The following ITGA8 variants were observed in gnomAD, a reference collection of about 807,000 sequenced individuals.
ITGA8 encodes integrin subunit alpha 8, also known as integrin alpha-8.
A neutral mutation model predicts 142.3 loss-of-function variants in ITGA8; 91 were observed. The ratio of observed to expected loss-of-function variants is 0.64; its 90% CI spans 0.54 to 0.76. The LOEUF is 0.76. ITGA8 is among the 30% of genes least tolerant of loss of function. The probability of loss-of-function intolerance (pLI) is 0.00; values close to 1 mark genes in which losing one functional copy is unlikely to be tolerated. For missense variants in ITGA8, 1,406 were observed against 1,327.7 expected, an observed-to-expected ratio of 1.06 and a Z score of -0.92; for synonymous variants, 505 against 485.2, an observed-to-expected ratio of 1.04 and a Z score of -0.54.
At chr10:15,644,478 ATATATATATATATAGAAT>A (rs1564388981) in intron 12 of ITGA8, among the ~76,000 whole-genome samples, 419 of 12,974 alleles carry the variant, frequency 0.032, 34 homozygotes, top group East Asian at 0.15. Flanking sequence ...ATATATATAT[ATATATATATATATAGAAT>A]TTTTTTTTTT....
At position 15,678,793 on chromosome 10, in the gene ITGA8, T is replaced by C; in HGVS notation, c.569-10A>G. On this transcript the variant is annotated splice_polypyrimidine_tract_variant and intron_variant, in intron 4 of 29. Coordinates refer to ENST00000378076, the MANE Select transcript of ITGA8 (RefSeq NM_003638.3). ...TCCGGATCAGCATTGCCTAGAACGATCAAAATACATAAATGTTATAACGTT... is the reference window on the plus strand; with the variant it reads ...TCCGGATCAGCATTGCCTAGAACGACCAAAATACATAAATGTTATAACGTT... 6.4e-7 allele frequency: 1 copy of C among 1,555,868 alleles called. No individual in the cohort carries two copies. Among genetic ancestry groups the C allele is most frequent in the Non-Finnish European group, 8.8e-7 (1 of 1,130,494 alleles).
At chr10:15,550,458 G>T (rs1348322067) in intron 26 of ITGA8, among the ~76,000 whole-genome samples, 6 of 152,120 alleles carry the variant, frequency 3.9e-5, no homozygotes, top group Non-Finnish European at 8.8e-5. Flanking sequence ...AGGGAAGAGG[G>T]GTGTCAAGGT....
chr10:15,545,132 T>C lies in ITGA8; in HGVS notation c.2880+3323A>G, dbSNP rs576476308. Among the ~76,000 whole-genome samples the C allele has an allele frequency of 6.6e-5, 10 of 152,336 alleles. No homozygotes were observed. The East Asian group carries it at 1.9e-3, about 29-fold the overall frequency. On this transcript the variant is annotated intron_variant, in intron 27 of 29. Coordinates refer to ENST00000378076, the MANE Select transcript of ITGA8 (RefSeq NM_003638.3). Reference sequence around the variant, plus strand: ...TGCTAGGTTTTGGGGAAATTTGTTATGCACCAATAGATAACTAATACAGGG... The same window carrying C: ...TGCTAGGTTTTGGGGAAATTTGTTACGCACCAATAGATAACTAATACAGGG...
At chr10:15,556,007 T>C (rs192553415) in intron 26 of ITGA8, among the ~76,000 whole-genome samples, 20 of 93,018 alleles carry the variant, frequency 2.2e-4, no homozygotes, top group Non-Finnish European at 3.9e-4. Context: ...TCTGCCAGGG[T>C]CTCTCTCTCT....
At chr10:15,687,471 A>AT (rs1281608206) in intron 3 of ITGA8, among the ~76,000 whole-genome samples, 3 of 152,228 alleles carry the variant, frequency 2.0e-5, no homozygotes, top group African/African-American at 7.2e-5. Flanking sequence ...TTTAAAAAGT[A>AT]TTAATGAACT....
intron 3 of ITGA8, among the ~76,000 whole-genome samples, chr10:15,686,829 G>C (rs1221608431): frequency 6.6e-6 from 1 of 152,064 alleles, no homozygotes; most frequent in African/African-American, 2.4e-5. Flanking sequence ...GTGTATTATT[G>C]TAGTTTCCAT....
intron 28 of ITGA8, among the ~76,000 whole-genome samples, chr10:15,519,743 A>G (rs1476674906): frequency 6.6e-6 from 1 of 152,170 alleles, no homozygotes; most frequent in Non-Finnish European, 1.5e-5. Flanking sequence ...TATGGGAACA[A>G]TGGCCAAAAG....
At chr10:15,675,776 C>G (rs546729015) in intron 6 of ITGA8, among the ~76,000 whole-genome samples, 31 of 152,094 alleles carry the variant, frequency 2.0e-4, no homozygotes, top group Non-Finnish European at 3.4e-4. Context: ...CTTAAAATCC[C>G]CCAGTGGTTT....
chr10:15,683,674 A>G (rs558074410), intron 4 of ITGA8, among the ~76,000 whole-genome samples: 1 of 152,378 alleles, frequency 6.6e-6, no homozygotes, highest in South Asian at 2.1e-4. Context: ...ATAAACAAAT[A>G]AAGTGGGCAG....
intron 14 of ITGA8, among the ~76,000 whole-genome samples, chr10:15,614,433 T>A (rs1833357565): frequency 1.3e-5 from 2 of 152,006 alleles, no homozygotes; most frequent in South Asian, 4.1e-4. Context: ...GAACCAGAAC[T>A]TATGGGGTAA....
intron 13 of ITGA8, among the ~76,000 whole-genome samples, chr10:15,617,722 G>A (rs1338904557): frequency 2.0e-5 from 3 of 152,144 alleles, no homozygotes; most frequent in Non-Finnish European, 4.4e-5. Context: ...CTCATTTACA[G>A]TGGCTGTCCC....
At chr10:15,658,437 T>C (rs905843613) in intron 10 of ITGA8, among the ~76,000 whole-genome samples, 2 of 149,762 alleles carry the variant, frequency 1.3e-5, no homozygotes, top group Non-Finnish European at 3.0e-5. Context: ...CAGTCTCCCA[T>C]GAGTAGCCCC....
In ITGA8 at chr10:15,607,742, C is replaced by CG. The variant is rs753222884; in HGVS notation, c.1698dup (p.Val567ArgfsTer24). 6.2e-7 allele frequency: 1 copy of CG among 1,613,676 alleles called. No individual in the cohort carries two copies. Among genetic ancestry groups the CG allele is most frequent in the Non-Finnish European group, 8.5e-7 (1 of 1,179,624 alleles). On this transcript the variant is annotated frameshift_variant, in exon 17 of 30. Transcript: ENST00000378076. LOFTEE classifies it high-confidence loss of function. ...TGCCTTTTTATCACAAGAGGGAAGA[C>CG]GCGATGAGCCTGATGGTTATCAAGG...
Position 15,600,539 on chromosome 10 carries a change from G to A in ITGA8, c.2119-3240C>T, listed in dbSNP as rs573349819. ...AAAGGAACTCAAGCCAGCTGGAAGCGTCAGCATTTAGCGATGAGGCTGAAG... is the reference window on the plus strand; with the variant it reads ...AAAGGAACTCAAGCCAGCTGGAAGCATCAGCATTTAGCGATGAGGCTGAAG... On this transcript the variant is annotated intron_variant, in intron 20 of 29. Coordinates refer to ENST00000378076, the MANE Select transcript of ITGA8 (RefSeq NM_003638.3). Among the ~76,000 whole-genome samples, 316 of 152,264 alleles carry A rather than the reference G, an allele frequency of 2.1e-3. 6 individuals carry two copies. Among genetic ancestry groups the A allele is most frequent in the South Asian group, 0.012 (56 of 4,818 alleles).
intron 6 of ITGA8, among the ~76,000 whole-genome samples, chr10:15,673,493 C>T (rs1022955473): frequency 6.6e-6 from 1 of 152,200 alleles, no homozygotes; most frequent in Non-Finnish European, 1.5e-5. Flanking sequence ...AGCTACAGTG[C>T]ATTCTCTAAG....
At position 15,600,919 on chromosome 10, in the gene ITGA8, G is replaced by A. The variant is rs191201628; in HGVS notation, c.2118+3289C>T. ...TCACTTTAGGTATTAGAAGCCAGGG[G>A]ATGCTGATGTCATTCTTGTACATAG... On this transcript the variant is annotated intron_variant, in intron 20 of 29. Coordinates refer to ENST00000378076, the MANE Select transcript of ITGA8 (RefSeq NM_003638.3). 3.9e-3 allele frequency among the ~76,000 whole-genome samples: 593 copies of A among 152,250 alleles called. 12 individuals carry two copies. The highest frequency in any genetic ancestry group is 3.6e-3 in the Non-Finnish European group (247 of 68,020).
chr10:15,557,044 C>G (rs1409700508), intron 26 of ITGA8, among the ~76,000 whole-genome samples: 2 of 152,094 alleles, frequency 1.3e-5, no homozygotes, highest in African/African-American at 2.4e-5. Context: ...ACATAAAGCA[C>G]TAGAAGCTGC....
At chr10:15,557,520 T>A (rs1319343517) in intron 26 of ITGA8, among the ~76,000 whole-genome samples, 1 of 152,148 alleles carries the variant, frequency 6.6e-6, no homozygotes, top group Non-Finnish European at 1.5e-5. Flanking sequence ...AACACAGCAT[T>A]CTTTTTTTAA....
At chr10:15,663,056 C>G (rs1232835184) in intron 8 of ITGA8, among the ~76,000 whole-genome samples, 6 of 152,132 alleles carry the variant, frequency 3.9e-5, no homozygotes, top group Non-Finnish European at 8.8e-5. Flanking sequence ...CCAGTGAGGC[C>G]TATGCATGTC....
Sources: gnomAD v4.1 joint callset for allele counts (sites outside exome capture counted in the v4.1 genomes callset) on GRCh38, gnomAD v4.1.1 for gene constraint, MANE v1.5 for transcripts, NCBI Gene and HGNC (gene_info 2026-07-23, HGNC 2026-07-21) for gene names.